FRAS1: variants seen among roughly 807,000 people sequenced by gnomAD.
The protein encoded by FRAS1 is Fraser extracellular matrix complex subunit 1, also known as extracellular matrix organizing protein FRAS1.
In FRAS1, 290 loss-of-function variants were observed where a neutral mutation model predicts 435.2. That is an observed-to-expected ratio of 0.67 (90% CI 0.61 to 0.73). The LOEUF is 0.73. Among genes scored for constraint, FRAS1 ranks in the 30% least tolerant of loss-of-function variants. The probability of loss-of-function intolerance (pLI) is 0.00; values close to 1 mark genes in which losing one functional copy is unlikely to be tolerated. For missense variants in FRAS1, 4,860 were observed against 5,001.5 expected, an observed-to-expected ratio of 0.97 and a Z score of 0.85; for synonymous variants, 1,800 against 1,851.0, an observed-to-expected ratio of 0.97 and a Z score of 0.71.
Position 78,191,561 on chromosome 4 carries a change from T to A in FRAS1, c.109-45949T>A, listed in dbSNP as rs561084115. 2.6e-5 allele frequency among the ~76,000 whole-genome samples: 4 copies of A among 152,070 alleles called. No individual in the cohort carries two copies. The East Asian group carries it at 7.7e-4, about 29-fold the overall frequency. ...TTTTTTTTTTTTTTAATTATTATAC[T>A]TTAAGTTTTAGGGTTCGTGTGCACA... On this transcript the variant is annotated intron_variant, in intron 2 of 73. Coordinates refer to ENST00000512123, the MANE Select transcript of FRAS1 (RefSeq NM_025074.7).
intron 14 of FRAS1, among the ~76,000 whole-genome samples, chr4:78,305,585 C>T (rs189879902): frequency 0.065 from 8,525 of 131,794 alleles, 595 homozygotes; most frequent in East Asian, 0.32. Flanking sequence ...GTTAGCTCTT[C>T]TTGTTGAATT....
rs1267354648 is a variant in FRAS1 at position 78,482,090 on chromosome 4, A to G, written c.8604+126A>G. The G allele has an allele frequency of 2.0e-5, 20 of 996,248 alleles. No individual in the cohort carries two copies. In the South Asian group the frequency reaches 3.1e-4, roughly 15 times the overall value. 61.7% of individuals were successfully genotyped at this position (996,248 alleles called of 1,614,324 possible). On this transcript the variant is annotated intron_variant, in intron 57 of 73. Coordinates refer to ENST00000512123, the MANE Select transcript of FRAS1 (RefSeq NM_025074.7). ...TCCTATCTTTCCTTTCTTTAAAAAC[A>G]CACATACATAAACAAGAGAGTTAAC...
intron 23 of FRAS1, among the ~76,000 whole-genome samples, chr4:78,370,709 A>ACG (rs1731469454): frequency 6.6e-6 from 1 of 152,226 alleles, no homozygotes. Flanking sequence ...GTGAAGACGT[A>ACG]GTCCCTGTCT....
chr4:78,489,517 G>C (rs1253913129), intron 59 of FRAS1, among the ~76,000 whole-genome samples: 1 of 152,166 alleles, frequency 6.6e-6, no homozygotes, highest in Non-Finnish European at 1.5e-5. Flanking sequence ...CTCAGGAGTA[G>C]AGAGACAGAA....
rs140203118 is a variant in FRAS1, at chr4:78,369,456, C to T, written c.2723-382C>T. ...AGTTGGTGCCTAATTTTAATGTTGC[C>T]ATCACACAAAAACCTGAATCTACAT... On this transcript the variant is annotated intron_variant, in intron 22 of 73. Transcript: ENST00000512123. Among the ~76,000 whole-genome samples, 897 of 152,256 alleles carry T rather than the reference C, an allele frequency of 5.9e-3. 20 individuals are homozygous for T. Among genetic ancestry groups the T allele is most frequent in the Admixed American group, 0.039 (595 of 15,286 alleles).
At chr4:78,478,180 TA>T in intron 55 of FRAS1, 119 bp downstream of exon 55, 1 of 1,137,376 alleles carries the variant, frequency 8.8e-7, no homozygotes, top group African/African-American at 1.6e-5. Flanking sequence ...ACTTTCCACT[TA>T]TTAACTCATT....
intron 14 of FRAS1, among the ~76,000 whole-genome samples, chr4:78,287,742 T>G (rs1578230027): frequency 6.6e-6 from 1 of 152,302 alleles, no homozygotes; most frequent in Admixed American, 6.5e-5. Context: ...GCAGGTCCTA[T>G]GTGGAGGAGG....
rs878853009 is a variant in FRAS1, at chr4:78,534,471, C to T, written c.10948C>T (p.Gln3650Ter). The change falls in exon 71 of 74, where the codon CAG becomes TAG. Residue 3650 changes from glutamine (Q) to a stop codon, truncating the protein, a stop_gained. Coordinates refer to ENST00000512123, the MANE Select transcript of FRAS1 (RefSeq NM_025074.7). LOFTEE classifies it high-confidence loss of function. ...TAGATTCCTGATACCCATTGCATTCCAGCAGACCAACCGCCCTGTGCCAGT... is the reference window on the plus strand; with the variant it reads ...TAGATTCCTGATACCCATTGCATTCTAGCAGACCAACCGCCCTGTGCCAGT... ...PERFLIPIAF[Q>*]QTNRPVPVVY... The T allele has an allele frequency of 6.2e-6, 10 of 1,613,040 alleles. No homozygotes were observed. Among genetic ancestry groups the T allele is most frequent in the Non-Finnish European group, 8.5e-6 (10 of 1,179,476 alleles).
intron 31 of FRAS1, among the ~76,000 whole-genome samples, chr4:78,412,394 G>C (rs1733377261): frequency 6.6e-6 from 1 of 152,174 alleles, no homozygotes; most frequent in Admixed American, 6.5e-5. Flanking sequence ...TTTTGCAGCA[G>C]GAAAAAGTTG....
intron 2 of FRAS1, among the ~76,000 whole-genome samples, chr4:78,114,606 C>T (rs1309239828): frequency 2.0e-5 from 3 of 151,790 alleles, no homozygotes; most frequent in Non-Finnish European, 2.9e-5. Flanking sequence ...AATGGGGGTT[C>T]ACTCATGATT....
At chr4:78,359,645 G>C (rs1243314742) in intron 20 of FRAS1, among the ~76,000 whole-genome samples, 1 of 152,106 alleles carries the variant, frequency 6.6e-6, no homozygotes, top group Non-Finnish European at 1.5e-5. Flanking sequence ...ACAGGAGTGG[G>C]TGTTCAGCAT....
rs369148669 is a variant in FRAS1, at chr4:78,508,869, C to A, written c.9643C>A (p.Arg3215Ser). Reference sequence around the variant, plus strand: ...CCCCAGATACGCTGTCATGAAGGAGCGCTGCAGTGAGGCCGGCATCAACCA... The same window carrying A: ...CCCCAGATACGCTGTCATGAAGGAGAGCTGCAGTGAGGCCGGCATCAACCA... The part of the protein sequence containing the change: ...HFPRYAVMKE[R>S]CSEAGINQTS... Residue 3215 changes from arginine to serine, a missense_variant, in exon 63 of 74, where the codon CGC (arginine) becomes AGC (serine). Arg to Ser is a moderately radical substitution (Grantham distance 110). Coordinates refer to ENST00000512123, the MANE Select transcript of FRAS1 (RefSeq NM_025074.7). 6.2e-7 allele frequency: 1 copy of A among 1,613,720 alleles called. No individual in the cohort carries two copies. The highest frequency in any genetic ancestry group is 1.3e-5 in the African/African-American group (1 of 74,916).
At chr4:78,256,539 C>T (rs772815273) in intron 6 of FRAS1, among the ~76,000 whole-genome samples, 3 of 152,148 alleles carry the variant, frequency 2.0e-5, no homozygotes, top group Non-Finnish European at 4.4e-5. Flanking sequence ...CCATTGGAAA[C>T]CTTCTGCTTT....
At chr4:78,205,983 A>C (rs958045952) in intron 2 of FRAS1, among the ~76,000 whole-genome samples, 1 of 152,154 alleles carries the variant, frequency 6.6e-6, no homozygotes, top group Non-Finnish European at 1.5e-5. Context: ...GGCAGTAGTT[A>C]GTGGACAACT....
At chr4:78,181,385 G>A (rs1721992549) in intron 2 of FRAS1, 1 of 1,611,950 alleles carries the variant, frequency 6.2e-7, no homozygotes, top group South Asian at 1.1e-5. Context: ...CCAGTTGTGA[G>A]ATCCGCTACC....
chr4:78,124,116 TA>T (rs1190484973), intron 2 of FRAS1, among the ~76,000 whole-genome samples: 1 of 152,234 alleles, frequency 6.6e-6, no homozygotes, highest in African/African-American at 2.4e-5. Context: ...AGGTTTGTCA[TA>T]AATAGCTCTT....
chr4:78,406,408 G>A (rs1320813234), intron 30 of FRAS1, among the ~76,000 whole-genome samples: 1 of 152,188 alleles, frequency 6.6e-6, no homozygotes, highest in Non-Finnish European at 1.5e-5. Context: ...TGGCTGGGGA[G>A]GCCTCAGAAT....
chr4:78,409,013 GAGCCTGGGAGGT>G, intron 31 of FRAS1, among the ~76,000 whole-genome samples: 2 of 72,626 alleles, frequency 2.8e-5, no homozygotes, highest in East Asian at 3.9e-4. Flanking sequence ...AGGATCACTT[GAGCCTGGGAGGT>G]GGAGGATCAC....
intron 2 of FRAS1, among the ~76,000 whole-genome samples, chr4:78,230,331 C>T (rs1019870017): frequency 3.9e-5 from 6 of 152,200 alleles, no homozygotes; most frequent in Non-Finnish European, 2.9e-5. Flanking sequence ...TTTGCTCCTC[C>T]TGAAAGGAGA....
Sources: gnomAD v4.1 joint callset for allele counts (sites outside exome capture counted in the v4.1 genomes callset) on GRCh38, gnomAD v4.1.1 for gene constraint, MANE v1.5 for transcripts, NCBI Gene and HGNC (gene_info 2026-07-23, HGNC 2026-07-21) for gene names.